The following HMBOX1 variants were observed in gnomAD, a reference collection of about 807,000 sequenced individuals.
HMBOX1 encodes homeobox-containing protein 1.
In HMBOX1, 14 loss-of-function variants were observed where a neutral mutation model predicts 54.5. The ratio of observed to expected loss-of-function variants is 0.26; its 90% CI spans 0.17 to 0.40. The LOEUF is 0.40. Ranked by LOEUF, HMBOX1 falls within the 10% of genes least tolerant of loss-of-function variation. The probability of loss-of-function intolerance (pLI) is 1.00; values close to 1 mark genes in which losing one functional copy is unlikely to be tolerated. For missense variants in HMBOX1, 332 were observed against 514.4 expected, an observed-to-expected ratio of 0.65 and a Z score of 3.43; for synonymous variants, 160 against 181.0, an observed-to-expected ratio of 0.88 and a Z score of 0.93.
At chr8:28,949,621 A>G (rs1021289761) in intron 1 of HMBOX1, 2 of 152,226 alleles carry the variant, frequency 1.3e-5, no homozygotes, top group Non-Finnish European at 2.9e-5. Flanking sequence ...ATAAGACTTC[A>G]AAATGGGCAT....
At chr8:28,963,218 A>T (rs1044748188) in intron 1 of HMBOX1, among the ~76,000 whole-genome samples, 6 of 152,182 alleles carry the variant, frequency 3.9e-5, no homozygotes, top group Non-Finnish European at 7.3e-5. Context: ...TCCTGACTTC[A>T]GGTGATCCAC....
intron 4 of HMBOX1, among the ~76,000 whole-genome samples, chr8:28,992,465 A>C (rs763779549): frequency 4.0e-4 from 61 of 152,352 alleles, no homozygotes; most frequent in African/African-American, 1.3e-3. Flanking sequence ...TATGTTAACC[A>C]TAAGTTTTAT....
intron 8 of HMBOX1, among the ~76,000 whole-genome samples, chr8:29,047,943 C>G (rs1805844180): frequency 6.6e-6 from 1 of 152,150 alleles, no homozygotes; most frequent in African/African-American, 2.4e-5. Flanking sequence ...GTATTATTTA[C>G]ACTATTTGTA....
chr8:28,930,238 A>G (rs976130770), intron 1 of HMBOX1, among the ~76,000 whole-genome samples: 8 of 152,098 alleles, frequency 5.3e-5, no homozygotes, highest in Non-Finnish European at 1.2e-4. Flanking sequence ...TCCTTCTCCT[A>G]GTAACTGAGG....
intron 4 of HMBOX1, among the ~76,000 whole-genome samples, chr8:29,008,151 T>G (rs1038531624): frequency 3.9e-5 from 6 of 152,128 alleles, no homozygotes; most frequent in Admixed American, 2.0e-4. Context: ...AGCTGAATGG[T>G]CTTTTGGAAA....
intron 1 of HMBOX1, among the ~76,000 whole-genome samples, chr8:28,927,872 C>G (rs61295574): frequency 0.17 from 24,022 of 144,780 alleles, 2,407 homozygotes; most frequent in East Asian, 0.47. Context: ...CGTGGTGGCT[C>G]ACGCCTGTAA....
chr8:28,948,381 G>A (rs999531152), intron 1 of HMBOX1, among the ~76,000 whole-genome samples: 28 of 152,122 alleles, frequency 1.8e-4, no homozygotes, highest in African/African-American at 6.3e-4. Flanking sequence ...CATGGGTCTC[G>A]CAGGATTGAG....
At chr8:28,962,790 G>A (rs763322411) in intron 1 of HMBOX1, among the ~76,000 whole-genome samples, 5 of 151,968 alleles carry the variant, frequency 3.3e-5, no homozygotes, top group Admixed American at 6.6e-5. Flanking sequence ...TCATATAAAC[G>A]TTGTATTTTT....
intron 6 of HMBOX1, among the ~76,000 whole-genome samples, chr8:29,032,776 A>G (rs73669464): frequency 1.8e-3 from 271 of 152,260 alleles, no homozygotes; most frequent in African/African-American, 6.4e-3. Flanking sequence ...TGAATATTTA[A>G]GAAGATCCTA....
At chr8:29,026,981 A>G (rs1802151138) in intron 6 of HMBOX1, among the ~76,000 whole-genome samples, 1 of 152,156 alleles carries the variant, frequency 6.6e-6, no homozygotes, top group Non-Finnish European at 1.5e-5. Flanking sequence ...GGTTTATTAT[A>G]TTTGTGTGGG....
rs191303764 is a variant in HMBOX1 at position 28,926,867 on chromosome 8, A to G, written c.-58+36189A>G. 9.2e-5 allele frequency among the ~76,000 whole-genome samples: 14 copies of G among 152,324 alleles called. No individual in the cohort carries two copies. In the East Asian group the frequency reaches 2.1e-3, roughly 23 times the overall value. ...GCCTGTAAAAGAAGGTTTTAGTACT[A>G]TGAACTCAATAGTCTGTTTTAAGTT... On this transcript the variant is annotated intron_variant, in intron 1 of 9. Transcript: ENST00000287701.
intron 1 of HMBOX1, among the ~76,000 whole-genome samples, chr8:28,928,586 T>C (rs1448298593): frequency 6.6e-6 from 1 of 152,164 alleles, no homozygotes; most frequent in Non-Finnish European, 1.5e-5. Context: ...TTATTCACAA[T>C]AGCCAAGATA....
intron 1 of HMBOX1, among the ~76,000 whole-genome samples, chr8:28,933,069 C>T (rs182008137): frequency 1.1e-3 from 175 of 152,210 alleles, no homozygotes; most frequent in African/African-American, 3.9e-3. Context: ...CCAGTCAGAT[C>T]CTGTACTCTT....
At chr8:29,008,572 T>C (rs1040649985) in intron 4 of HMBOX1, among the ~76,000 whole-genome samples, 1 of 152,174 alleles carries the variant, frequency 6.6e-6, no homozygotes, top group Non-Finnish European at 1.5e-5. Flanking sequence ...AAAAAAACCT[T>C]ATTGAAGACA....
intron 6 of HMBOX1, among the ~76,000 whole-genome samples, chr8:29,021,734 C>T (rs548703663): frequency 3.4e-4 from 52 of 151,800 alleles, no homozygotes; most frequent in African/African-American, 1.2e-3. Flanking sequence ...GTGGCGGGCA[C>T]CTGTAGTCCC....
rs567333700 is a variant in HMBOX1, at chr8:28,976,731, G to A, written c.501-3340G>A. On this transcript the variant is annotated intron_variant, in intron 3 of 9. Transcript: ENST00000287701. Reference sequence around the variant, plus strand: ...TTTCTTTTTTTTTTTTTTTGAGATGGAGTCTCACTTTGTCACCCAGGTTGG... The same window carrying A: ...TTTCTTTTTTTTTTTTTTTGAGATGAAGTCTCACTTTGTCACCCAGGTTGG... Among the ~76,000 whole-genome samples the A allele has an allele frequency of 5.3e-4, 76 of 143,602 alleles. 1 individual carries two copies. In the South Asian group the frequency reaches 0.011, roughly 21 times the overall value. 94.2% of individuals were successfully genotyped at this position (143,602 alleles called of 152,430 possible).
rs1256522123 is a variant in HMBOX1 at position 28,890,463 on chromosome 8, G to T, written c.-273G>T. On this transcript the variant is annotated 5_prime_UTR_variant, in exon 1 of 10. Transcript: ENST00000287701. ...GTCTGATGTGATTGAGACAAGGGAG[G>T]TTTTTCAGGGGGAGACTGGGAGATA... is the stretch of plus-strand genomic sequence containing the variant. 6.5e-6 allele frequency: 1 copy of T among 153,272 alleles called. No homozygotes were observed. Among genetic ancestry groups the T allele is most frequent in the Admixed American group, 6.5e-5 (1 of 15,350 alleles). 9.5% of individuals were successfully genotyped at this position (153,272 alleles called of 1,614,324 possible).
chr8:28,965,885 G>C (rs769269013), intron 2 of HMBOX1, among the ~76,000 whole-genome samples: 10 of 152,106 alleles, frequency 6.6e-5, no homozygotes, highest in Non-Finnish European at 1.3e-4. Context: ...TTCTCTCTCT[G>C]ATAAAAATAT....
chr8:29,023,763 A>T (rs149620555), intron 6 of HMBOX1, among the ~76,000 whole-genome samples: 151 of 152,260 alleles, frequency 9.9e-4, no homozygotes, highest in East Asian at 4.4e-3. Context: ...TTCACTTATT[A>T]AAAAATCCCC....
Sources: gnomAD v4.1 joint callset for allele counts (sites outside exome capture counted in the v4.1 genomes callset) on GRCh38, gnomAD v4.1.1 for gene constraint, MANE v1.5 for transcripts, NCBI Gene and HGNC (gene_info 2026-07-23, HGNC 2026-07-21) for gene names.